Variants in RNF212 observed in about 807,000 individuals in gnomAD.
RNF212 encodes the protein probable E3 SUMO-protein ligase RNF212.
In RNF212, 33 loss-of-function variants were observed where a neutral mutation model predicts 34.7. The observed-to-expected ratio is 0.95, with a 90% CI of 0.72 to 1.27. RNF212 has a LOEUF of 1.27. Among genes scored for constraint, RNF212 ranks in the 50% most tolerant of loss-of-function variants. RNF212 has a pLI of 0.00. For synonymous variants in RNF212, 140 were observed against 136.1 expected, an observed-to-expected ratio of 1.03 and a Z score of -0.20; for missense variants, 377 against 362.2, an observed-to-expected ratio of 1.04 and a Z score of -0.33.
chr4:1,099,061 A>G (rs1376048166), intron 2 of RNF212, among the ~76,000 whole-genome samples: 2 of 152,168 alleles, frequency 1.3e-5, no homozygotes, highest in African/African-American at 4.8e-5. Flanking sequence ...CAAGAAGTCT[A>G]CAAAACTAAC....
Position 1,081,589 on chromosome 4 carries a change from G to A in RNF212, c.393C>T (p.Ser131=), listed in dbSNP as rs1720354734. ...SMRSSQQTAF[S]TIKSSVSTKP... Reference sequence around the variant, plus strand: ...TACTTGAAACTGAACTTTTTATTGTGCTGAAAGCTGTTTGTTGTGATGATC... The same window carrying A: ...TACTTGAAACTGAACTTTTTATTGTACTGAAAGCTGTTTGTTGTGATGATC... The change falls in exon 6 of 10, where the codon AGC becomes AGT. Residue 131 remains serine, a synonymous_variant. Transcript: ENST00000433731. 1 of 1,610,860 alleles carries A rather than the reference G, an allele frequency of 6.2e-7. No individual in the cohort carries two copies. The highest frequency in any genetic ancestry group is 1.3e-5 in the African/African-American group (1 of 74,930).
chr4:1,056,554 G>C (rs751569272), intron 4 of RNF212: 7 of 915,134 alleles, frequency 7.6e-6, no homozygotes, highest in Non-Finnish European at 9.2e-6. Context: ...ATAAGGTGGG[G>C]AGAAGAGTTT....
chr4:1,081,534 A>G (rs2153043349), intron 6 of RNF212, 33 bp downstream of exon 6: 1 of 1,606,596 alleles, frequency 6.2e-7, no homozygotes, highest in South Asian at 1.1e-5. Context: ...ATGCATCTCT[A>G]TTTTGTTCTC....
chr4:1,085,092 C>G (rs1461221360), intron 5 of RNF212, among the ~76,000 whole-genome samples: 2 of 152,240 alleles, frequency 1.3e-5, no homozygotes, highest in Non-Finnish European at 2.9e-5. Flanking sequence ...GGGAGGCAGA[C>G]AGGGCTCCTG....
At chr4:1,078,923 G>GGGACCTACACA (rs1719813591) in intron 8 of RNF212, among the ~76,000 whole-genome samples, 4 of 101,584 alleles carry the variant, frequency 3.9e-5, no homozygotes, top group African/African-American at 1.9e-4. Context: ...GGACCAACAC[G>GGGACCTACACA]GGACCAACAC....
intron 5 of RNF212, 97 bp from the exon 6 acceptor site, chr4:1,081,716 A>G: frequency 1.2e-6 from 1 of 858,930 alleles, no homozygotes; most frequent in Non-Finnish European, 1.9e-6. Flanking sequence ...TGAATCAGTG[A>G]AATGTTCTTA....
Position 1,072,821 on chromosome 4 carries a change from CAG to C in RNF212, c.*51_*52del. On this transcript the variant is annotated 3_prime_UTR_variant, in exon 10 of 10. Transcript: ENST00000433731. ...AAGCAGATAATTTGTAGAAAAAACA[CAG>C]AGGAATAAATTGAAAACACTCAGAA... 5 of 1,508,708 alleles carry C rather than the reference CAG, an allele frequency of 3.3e-6. No homozygotes were observed. Among genetic ancestry groups the C allele is most frequent in the Non-Finnish European group, 4.4e-6 (5 of 1,124,832 alleles). The allele number at this position is 1,508,708 out of a possible 1,614,324, so 93.5% of individuals were successfully genotyped here.
At chr4:1,093,382 TGC>T in intron 3 of RNF212, 8 of 1,350,468 alleles carry the variant, frequency 5.9e-6, no homozygotes, top group South Asian at 3.4e-5. Flanking sequence ...TTGTAACAAA[TGC>T]CAATATTTAT....
chr4:1,058,652 T>A (rs192343182), intron 3 of RNF212, among the ~76,000 whole-genome samples: 77 of 152,350 alleles, frequency 5.1e-4, no homozygotes, highest in African/African-American at 1.8e-3. Context: ...TCTTTCTACC[T>A]TTATGCACCT....
intron 8 of RNF212, among the ~76,000 whole-genome samples, chr4:1,075,188 G>A (rs1719085132): frequency 6.6e-6 from 1 of 152,210 alleles, no homozygotes; most frequent in South Asian, 2.1e-4. Context: ...ACGCATCGGT[G>A]TGTTCACATC....
intron 3 of RNF212, among the ~76,000 whole-genome samples, chr4:1,059,579 G>A (rs1395020630): frequency 1.3e-5 from 2 of 152,180 alleles, no homozygotes; most frequent in African/African-American, 4.8e-5. Context: ...ATCCTCCCAT[G>A]AGAACCACAA....
chr4:1,106,808 A>G (rs1240570948), intron 2 of RNF212, among the ~76,000 whole-genome samples: 1 of 152,182 alleles, frequency 6.6e-6, no homozygotes, highest in Non-Finnish European at 1.5e-5. Flanking sequence ...AAAAGAAAGT[A>G]TTTTCTGTTA....
At chr4:1,082,084 A>G (rs1720446075) in intron 5 of RNF212, 1 of 162,120 alleles carries the variant, frequency 6.2e-6, no homozygotes, top group African/African-American at 2.4e-5. Context: ...CTACTGTACT[A>G]CTGCACTCCT....
intron 2 of RNF212, among the ~76,000 whole-genome samples, chr4:1,103,524 T>C (rs1359126092): frequency 6.6e-6 from 1 of 152,220 alleles, no homozygotes; most frequent in Admixed American, 6.5e-5. Context: ...TGAATTTACT[T>C]ACATATACAA....
intron 5 of RNF212, among the ~76,000 whole-genome samples, chr4:1,082,421 C>A (rs1720499427): frequency 6.6e-6 from 1 of 152,196 alleles, no homozygotes; most frequent in African/African-American, 2.4e-5. Context: ...TGCATGACTG[C>A]ACATGAGGGG....
chr4:1,080,127 C>T (rs568770710), intron 7 of RNF212, among the ~76,000 whole-genome samples: 25 of 152,338 alleles, frequency 1.6e-4, no homozygotes, highest in African/African-American at 2.4e-4. Context: ...ACGCTCGGTA[C>T]GCACTAGTTC....
chr4:1,083,796 T>C lies in RNF212; in HGVS notation c.362+2100A>G, dbSNP rs1577695785. 2.6e-5 allele frequency among the ~76,000 whole-genome samples: 4 copies of C among 152,214 alleles called. 1 individual carries two copies. The highest frequency in any genetic ancestry group is 9.6e-5 in the African/African-American group (4 of 41,546). ...GAGGCTGACGTCGAGGGTGGGGAGC[T>C]GCAGGTTGTGGCTGGGGATGCAGAG... On this transcript the variant is annotated intron_variant, in intron 5 of 9. Coordinates refer to ENST00000433731, the MANE Select transcript of RNF212 (RefSeq NM_001131034.4).
At chr4:1,090,293 A>G (rs962785676) in intron 4 of RNF212, among the ~76,000 whole-genome samples, 1 of 152,098 alleles carries the variant, frequency 6.6e-6, no homozygotes, top group African/African-American at 2.4e-5. Context: ...TTGGGTGTAC[A>G]CAGAATGTTC....
downstream of RNF212, among the ~76,000 whole-genome samples, chr4:1,068,455 G>T (rs57992451): frequency 6.6e-6 from 1 of 152,050 alleles, no homozygotes; most frequent in African/African-American, 2.4e-5. Flanking sequence ...TGCTTTAAAC[G>T]AGTCTCATCT....
Sources: gnomAD v4.1 joint callset for allele counts (sites outside exome capture counted in the v4.1 genomes callset) on GRCh38, gnomAD v4.1.1 for gene constraint, MANE v1.5 for transcripts, NCBI Gene and HGNC (gene_info 2026-07-23, HGNC 2026-07-21) for gene names.